SPEF2: variants seen among roughly 807,000 people sequenced by gnomAD.
SPEF2 encodes the protein sperm flagellar and cilia associated 2.
A neutral mutation model predicts 224.6 loss-of-function variants in SPEF2; 187 were observed. The ratio of observed to expected loss-of-function variants is 0.83; its 90% CI spans 0.74 to 0.94. SPEF2 has a LOEUF of 0.94. Among genes scored for constraint, SPEF2 ranks in the 40% least tolerant of loss-of-function variants. The probability of loss-of-function intolerance (pLI) is 0.00; values close to 1 mark genes in which losing one functional copy is unlikely to be tolerated. For synonymous variants in SPEF2, 715 were observed against 707.3 expected, an observed-to-expected ratio of 1.01 and a Z score of -0.17; for missense variants, 2,170 against 2,135.6, an observed-to-expected ratio of 1.02 and a Z score of -0.32.
chr5:35,701,605 G>A (rs930394847), intron 16 of SPEF2, among the ~76,000 whole-genome samples: 9 of 152,258 alleles, frequency 5.9e-5, no homozygotes, highest in African/African-American at 1.7e-4. Flanking sequence ...TTCTATAGGG[G>A]TCTGTGCCTC....
intron 6 of SPEF2, among the ~76,000 whole-genome samples, chr5:35,650,321 C>T (rs1388244446): frequency 6.6e-6 from 1 of 151,902 alleles, no homozygotes; most frequent in Non-Finnish European, 1.5e-5. Context: ...CTCCTGATGC[C>T]CTATTCTGAT....
rs1381674255 is a variant in SPEF2 at position 35,792,431 on chromosome 5, C to G, written c.4539C>G (p.His1513Gln). Residue 1513 changes from histidine to glutamine, a missense_variant, in exon 31 of 37, where the codon CAC becomes CAG. His to Gln is a conservative substitution (Grantham distance 24). Coordinates refer to ENST00000356031, the MANE Select transcript of SPEF2 (RefSeq NM_024867.4). ...ACAACTTTCCTAGTAATTGGATGCA[C>G]CTTACCCAACCTGAAGTAAGCTTCT... is the stretch of plus-strand genomic sequence containing the variant. ...GTNNFPSNWM[H>Q]LTQPELQELT... 3 of 1,613,556 alleles carry G rather than the reference C, an allele frequency of 1.9e-6. No homozygotes were observed. Among genetic ancestry groups the G allele is most frequent in the Non-Finnish European group, 1.7e-6 (2 of 1,179,676 alleles).
At chr5:35,633,971 T>A (rs931534760) in intron 2 of SPEF2, among the ~76,000 whole-genome samples, 1 of 152,098 alleles carries the variant, frequency 6.6e-6, no homozygotes, top group Non-Finnish European at 1.5e-5. Flanking sequence ...ACCAATTACA[T>A]CTTAAGCCCA....
intron 30 of SPEF2, chr5:35,781,238 G>A (rs1005710980): frequency 3.9e-5 from 6 of 152,030 alleles, no homozygotes; most frequent in African/African-American, 1.4e-4. Flanking sequence ...CAAGCAAAGA[G>A]GAAGGAAATA....
chr5:35,662,606 A>G (rs11491443), intron 8 of SPEF2, among the ~76,000 whole-genome samples: 19,969 of 152,052 alleles, frequency 0.13, 2,089 homozygotes, highest in African/African-American at 0.29. Context: ...ATTATTGTAT[A>G]TGGTGTAAGG....
At chr5:35,628,669 G>A (rs1170997414) in intron 2 of SPEF2, 107 bp downstream of exon 2, 3 of 715,468 alleles carry the variant, frequency 4.2e-6, no homozygotes, top group African/African-American at 1.8e-5. Context: ...ATAGCTCACA[G>A]CAACCTCAAA....
intron 24 of SPEF2, among the ~76,000 whole-genome samples, chr5:35,759,226 T>C (rs1750887308): frequency 6.6e-6 from 1 of 152,134 alleles, no homozygotes. Context: ...ATTGGCTGAT[T>C]GAATCTAGGA....
intron 4 of SPEF2, among the ~76,000 whole-genome samples, chr5:35,645,495 G>A (rs898357546): frequency 6.6e-5 from 10 of 152,144 alleles, no homozygotes; most frequent in Admixed American, 6.5e-4. Context: ...CTGGAGTAGA[G>A]TTTATATATA....
chr5:35,727,014 C>T (rs1264508417), intron 20 of SPEF2, among the ~76,000 whole-genome samples: 3 of 139,568 alleles, frequency 2.1e-5, no homozygotes, highest in Non-Finnish European at 3.1e-5. Flanking sequence ...CCCTCCCCTT[C>T]CTTTGCTTCC....
chr5:35,741,363 G>C (rs2149694708), intron 23 of SPEF2, among the ~76,000 whole-genome samples: 1 of 152,274 alleles, frequency 6.6e-6, no homozygotes, highest in African/African-American at 2.4e-5. Flanking sequence ...TTGGAGAAAG[G>C]GTGTATGAAG....
rs564974030 is a variant in SPEF2 at position 35,652,638 on chromosome 5, A to G, written c.792-1902A>G. Among the ~76,000 whole-genome samples, 3 of 152,244 alleles carry G rather than the reference A, an allele frequency of 2.0e-5. No homozygotes were observed. The East Asian group carries it at 5.8e-4, about 29-fold the overall frequency. On this transcript the variant is annotated intron_variant, in intron 6 of 36. Transcript: ENST00000356031. ...ATTTGAAATTTAGCAGACATCAACT[A>G]TTTGCTGGGCATGCTAGGCACAGGT...
At position 35,752,378 on chromosome 5, in the gene SPEF2, C is replaced by G. The variant is rs146269149; in HGVS notation, c.3331-1246C>G. On this transcript the variant is annotated intron_variant, in intron 23 of 36. Transcript: ENST00000356031. ...GTCATGGCTCATTGCAGCCTTGAAC[C>G]CTTGGGCTCAAGCAATCCTCCCATC... 1.7e-3 allele frequency among the ~76,000 whole-genome samples: 258 copies of G among 152,138 alleles called. 1 individual carries two copies. Among genetic ancestry groups the G allele is most frequent in the African/African-American group, 5.8e-3 (241 of 41,512 alleles).
At chr5:35,695,053 C>A (rs1580317233) in intron 13 of SPEF2, among the ~76,000 whole-genome samples, 1 of 152,142 alleles carries the variant, frequency 6.6e-6, no homozygotes, top group Non-Finnish European at 1.5e-5. Context: ...ATTGCCATTA[C>A]CATTGAACAA....
chr5:35,664,917 G>C (rs966607049), intron 8 of SPEF2, among the ~76,000 whole-genome samples: 8 of 152,060 alleles, frequency 5.3e-5, no homozygotes, highest in African/African-American at 1.9e-4. Flanking sequence ...TTTGTTTTTA[G>C]ATTAAATCTG....
chr5:35,641,513 G>C lies in SPEF2; in HGVS notation c.244G>C (p.Ala82Pro), dbSNP rs1019190532. The C allele has an allele frequency of 6.2e-7, 1 of 1,613,628 alleles. No homozygotes were observed. Among genetic ancestry groups the C allele is most frequent in the African/African-American group, 1.3e-5 (1 of 74,856 alleles). Reference protein sequence around the residue: ...LLGVQFDQNVAHGIITEKPGV... With the variant: ...LLGVQFDQNVPHGIITEKPGV... ...GGGTGTGCAGTTTGATCAGAATGTGGCCCATGGCATCATCACAGAAAAGCC... is the reference window on the plus strand; with the variant it reads ...GGGTGTGCAGTTTGATCAGAATGTGCCCCATGGCATCATCACAGAAAAGCC... Residue 82 changes from alanine to proline, a missense_variant, in exon 3 of 37, where the codon GCC (alanine) becomes CCC (proline). Transcript: ENST00000356031.
At chr5:35,751,096 C>CACACACACACACAT (rs1554048857) in intron 23 of SPEF2, among the ~76,000 whole-genome samples, 1 of 30,626 alleles carries the variant, frequency 3.3e-5, no homozygotes, top group African/African-American at 1.1e-4. Context: ...CACACACACA[C>CACACACACACACAT]ATATATATAT....
At position 35,759,719 on chromosome 5, in the gene SPEF2, G is replaced by A. The variant is rs200722554; in HGVS notation, c.3620G>A (p.Arg1207Lys). The A allele has an allele frequency of 6.4e-5, 100 of 1,570,456 alleles. No individual in the cohort carries two copies. The highest frequency in any genetic ancestry group is 7.9e-5 in the Non-Finnish European group (91 of 1,150,660). Reference sequence around the variant, plus strand: ...AAAGACAATTCTGAAAGCCAGCTTAGGTAAGGCAGGCTATTATATCACACT... The same window carrying A: ...AAAGACAATTCTGAAAGCCAGCTTAAGTAAGGCAGGCTATTATATCACACT... The part of the protein sequence containing the change: ...DSKDNSESQL[R>K]IPLVPRISIS... The change falls in exon 25 of 37, where the codon AGA becomes AAA. Residue 1207 changes from arginine to lysine, a missense_variant and splice_region_variant. Coordinates refer to ENST00000356031, the MANE Select transcript of SPEF2 (RefSeq NM_024867.4).
At chr5:35,644,587 C>G in intron 4 of SPEF2, 62 bp downstream of exon 4, 1 of 1,308,008 alleles carries the variant, frequency 7.6e-7, no homozygotes, top group Non-Finnish European at 1.0e-6. Flanking sequence ...GTGATTTATG[C>G]GTATAGTACA....
chr5:35,770,361 T>C (rs1191324653), intron 26 of SPEF2, among the ~76,000 whole-genome samples: 1 of 152,152 alleles, frequency 6.6e-6, no homozygotes, highest in Admixed American at 6.5e-5. Context: ...GGTTAGAACA[T>C]TGAAAATTTA....
Sources: gnomAD v4.1 joint callset for allele counts (sites outside exome capture counted in the v4.1 genomes callset) on GRCh38, gnomAD v4.1.1 for gene constraint, MANE v1.5 for transcripts, NCBI Gene and HGNC (gene_info 2026-07-23, HGNC 2026-07-21) for gene names.